Variants in GRIK2 observed in about 807,000 individuals in gnomAD.
The protein encoded by GRIK2 is glutamate receptor ionotropic, kainate 2.
GRIK2 carries 32 observed loss-of-function variants against 100.3 expected under a neutral mutation model. The observed-to-expected ratio is 0.32, with a 90% confidence interval of 0.24 to 0.43. GRIK2 has a LOEUF of 0.43. Among genes scored for constraint, GRIK2 ranks in the 20% least tolerant of loss-of-function variants. The pLI is 1.00. For missense variants in GRIK2, 843 were observed against 1,114.9 expected (o/e 0.76, Z 3.47); for synonymous variants, 417 against 389.4 (o/e 1.07, Z -0.83).
At chr6:101,644,508 A>C (rs1240443548) in intron 4 of GRIK2, among the ~76,000 whole-genome samples, 2 of 151,780 alleles carry the variant, frequency 1.3e-5, no homozygotes, top group Non-Finnish European at 3.0e-5. Context: ...AGACTAAAGT[A>C]GGTTAGTCAC....
At chr6:101,995,365 A>C (rs975101328) in intron 14 of GRIK2, among the ~76,000 whole-genome samples, 3 of 151,986 alleles carry the variant, frequency 2.0e-5, no homozygotes, top group African/African-American at 7.2e-5. Context: ...TTGATTCCAT[A>C]GATTTAAAAT....
At chr6:101,493,969 A>C (rs532578760) in intron 2 of GRIK2, among the ~76,000 whole-genome samples, 3 of 128,804 alleles carry the variant, frequency 2.3e-5, no homozygotes, top group African/African-American at 7.7e-5. Context: ...TATTTTATAT[A>C]TAATTTATAT....
intron 15 of GRIK2, among the ~76,000 whole-genome samples, chr6:102,046,190 C>CAAAT (rs1188935927): frequency 6.6e-6 from 1 of 151,876 alleles, no homozygotes; most frequent in Non-Finnish European, 1.5e-5. Context: ...ATATATAAAG[C>CAAAT]AAATATTAAT....
At chr6:101,994,564 GAC>G (rs1283917515) in intron 14 of GRIK2, among the ~76,000 whole-genome samples, 1 of 151,620 alleles carries the variant, frequency 6.6e-6, no homozygotes, top group East Asian at 1.9e-4. Context: ...TTGGAAATTA[GAC>G]ACAGCAAGAG....
rs527814110 is a variant in GRIK2 at position 102,024,301 on chromosome 6, T to C, written c.2086-11040T>C. Among the ~76,000 whole-genome samples, 6 of 151,294 alleles carry C rather than the reference T, an allele frequency of 4.0e-5. No individual in the cohort carries two copies. The South Asian group carries it at 8.3e-4, about 21-fold the overall frequency. ...AGGAAATAAATTTACAGAAATTTTA[T>C]GATTTGGCTGACATAATACCTGTAG... On this transcript the variant is annotated intron_variant, in intron 14 of 16. Coordinates refer to ENST00000369134, the MANE Select transcript of GRIK2 (RefSeq NM_021956.5).
At chr6:101,564,718 A>G (rs1777172733) in intron 2 of GRIK2, among the ~76,000 whole-genome samples, 1 of 152,100 alleles carries the variant, frequency 6.6e-6, no homozygotes, top group Non-Finnish European at 1.5e-5. Context: ...TATTCCTTTC[A>G]GGGGAATTTC....
At chr6:101,808,929 TACAG>T (rs770543043) in intron 9 of GRIK2, among the ~76,000 whole-genome samples, 195 of 151,588 alleles carry the variant, frequency 1.3e-3, no homozygotes, top group Non-Finnish European at 2.2e-3. Context: ...TAAAAAAAAA[TACAG>T]AAAGACATTT....
intron 2 of GRIK2, among the ~76,000 whole-genome samples, chr6:101,411,740 A>G (rs1775892366): frequency 6.6e-6 from 1 of 152,110 alleles, no homozygotes; most frequent in African/African-American, 2.4e-5. Flanking sequence ...TTGGACTCTC[A>G]GAACACCACT....
At chr6:101,738,591 T>C (rs1430047030) in intron 7 of GRIK2, among the ~76,000 whole-genome samples, 2 of 152,286 alleles carry the variant, frequency 1.3e-5, no homozygotes, top group East Asian at 1.9e-4. Flanking sequence ...CACTCATCCA[T>C]TCATTCATTT....
chr6:101,521,747 G>A (rs1774892995), intron 2 of GRIK2, among the ~76,000 whole-genome samples: 1 of 151,694 alleles, frequency 6.6e-6, no homozygotes, highest in South Asian at 2.1e-4. Flanking sequence ...TTAAGTTGTG[G>A]TTGTACATTG....
intron 12 of GRIK2, among the ~76,000 whole-genome samples, chr6:101,920,683 G>A (rs556705466): frequency 7.3e-5 from 11 of 151,664 alleles, no homozygotes; most frequent in Non-Finnish European, 1.6e-4. Context: ...GGGAATTACA[G>A]GGTAAATGAC....
intron 2 of GRIK2, among the ~76,000 whole-genome samples, chr6:101,517,937 C>T (rs72957138): frequency 0.011 from 1,718 of 152,186 alleles, 12 homozygotes; most frequent in Non-Finnish European, 0.018. Flanking sequence ...TCTTTTACAG[C>T]TCTCATACTT....
At chr6:101,688,618 G>A (rs1242490913) in intron 7 of GRIK2, among the ~76,000 whole-genome samples, 3 of 151,830 alleles carry the variant, frequency 2.0e-5, no homozygotes, top group Admixed American at 2.0e-4. Context: ...TGTTGAACTG[G>A]CAGATGATTT....
intron 14 of GRIK2, among the ~76,000 whole-genome samples, chr6:101,970,034 C>A (rs1007788348): frequency 6.6e-6 from 1 of 152,036 alleles, no homozygotes; most frequent in Non-Finnish European, 1.5e-5. Context: ...CCTGTTAGAC[C>A]AATCCCACTG....
chr6:101,482,321 G>A (rs894632724), intron 2 of GRIK2, among the ~76,000 whole-genome samples: 1 of 152,070 alleles, frequency 6.6e-6, no homozygotes, highest in African/African-American at 2.4e-5. Flanking sequence ...TGATTTACCT[G>A]CTTTATCGAC....
rs368944088 is a variant in GRIK2 at position 101,969,944 on chromosome 6, G to A, written c.2085+41312G>A. ...TTATATGGCTTGGAGAGTGTGTTCT[G>A]CATGTGTAGCTCTGTCTCTTTTTCC... is the stretch of plus-strand genomic sequence containing the variant. On this transcript the variant is annotated intron_variant, in intron 14 of 16. Coordinates refer to ENST00000369134, the MANE Select transcript of GRIK2 (RefSeq NM_021956.5). Among the ~76,000 whole-genome samples, 6 of 151,898 alleles carry A rather than the reference G, an allele frequency of 4.0e-5. No individual in the cohort carries two copies. The East Asian group carries it at 7.8e-4, about 20-fold the overall frequency.
chr6:101,491,227 AGTTT>A (rs1275076939), intron 2 of GRIK2, among the ~76,000 whole-genome samples: 4 of 150,678 alleles, frequency 2.7e-5, no homozygotes, highest in East Asian at 2.0e-4. Context: ...ACAAGAAATC[AGTTT>A]GTTTGTCATT....
chr6:101,842,067 T>G (rs975793030), intron 10 of GRIK2, among the ~76,000 whole-genome samples: 1 of 152,202 alleles, frequency 6.6e-6, no homozygotes, highest in Non-Finnish European at 1.5e-5. Context: ...AGATAAAAAT[T>G]TATAAATTAT....
At chr6:101,753,235 A>C (rs1270177754) in intron 7 of GRIK2, among the ~76,000 whole-genome samples, 1 of 148,536 alleles carries the variant, frequency 6.7e-6, no homozygotes, top group Non-Finnish European at 1.5e-5. Flanking sequence ...GTAAGCCGAG[A>C]TCTTGCCACT....
Sources: gnomAD v4.1 joint callset for allele counts (sites outside exome capture counted in the v4.1 genomes callset) on GRCh38, gnomAD v4.1.1 for gene constraint, MANE v1.5 for transcripts, NCBI Gene and HGNC (gene_info 2026-07-23, HGNC 2026-07-21) for gene names.